Variants in CLIC5 observed in about 807,000 individuals in gnomAD.
CLIC5 encodes the protein chloride intracellular channel protein 5.
Under a neutral mutation model 24.7 loss-of-function variants are expected in CLIC5, and 20 were observed. That is an observed-to-expected ratio of 0.81 (90% CI 0.57 to 1.18). The LOEUF is 1.18. Among genes scored for constraint, CLIC5 ranks in the 50% most tolerant of loss-of-function variants. CLIC5 has a pLI of 0.00. For synonymous variants in CLIC5, 159 were observed against 135.6 expected, an observed-to-expected ratio of 1.17 and a Z score of -1.20; for missense variants, 341 against 326.1, an observed-to-expected ratio of 1.05 and a Z score of -0.35.
chr6:46,101,279 T>TGG, the CLIC5 span, among the ~76,000 whole-genome samples: 1 of 152,222 alleles, frequency 6.6e-6, no homozygotes, highest in Non-Finnish European at 1.5e-5. Context: ...TCTGATCACT[T>TGG]CATCATGTCC....
the CLIC5 span, among the ~76,000 whole-genome samples, chr6:46,092,223 C>G: frequency 2.0e-5 from 3 of 152,114 alleles, no homozygotes; most frequent in African/African-American, 7.2e-5. Context: ...GACCTGAATC[C>G]AAGAGTATTT....
intron 1 of CLIC5, among the ~76,000 whole-genome samples, chr6:45,993,010 G>A (rs1160643395): frequency 6.6e-6 from 1 of 152,162 alleles, no homozygotes; most frequent in Non-Finnish European, 1.5e-5. Flanking sequence ...AGCATTTTGA[G>A]ATATTTGAGG....
intron 1 of CLIC5, among the ~76,000 whole-genome samples, chr6:46,030,793 A>C (rs777723228): frequency 5.3e-5 from 8 of 152,170 alleles, no homozygotes; most frequent in Non-Finnish European, 1.0e-4. Flanking sequence ...CTTAAAACTC[A>C]TGCTCCCACA....
chr6:45,958,443 T>TACAC (rs1283521914), intron 1 of CLIC5, among the ~76,000 whole-genome samples: 24 of 55,630 alleles, frequency 4.3e-4, no homozygotes, highest in African/African-American at 1.4e-3. Flanking sequence ...TATATATATA[T>TACAC]ATATATATAT....
At chr6:45,893,959 G>A (rs1762373039), downstream of CLIC5, among the ~76,000 whole-genome samples, 1 of 152,196 alleles carries the variant, frequency 6.6e-6, no homozygotes, top group Non-Finnish European at 1.5e-5. Context: ...AGCAACAACT[G>A]CCACAAGAAC....
intron 1 of CLIC5, among the ~76,000 whole-genome samples, chr6:45,976,440 C>T (rs1765386524): frequency 1.3e-5 from 2 of 151,996 alleles, no homozygotes; most frequent in Non-Finnish European, 2.9e-5. Flanking sequence ...CTGGGAAGGT[C>T]CCTGGAAAAC....
chr6:46,081,535 G>T (rs1186043265), upstream of CLIC5, among the ~76,000 whole-genome samples: 1 of 152,116 alleles, frequency 6.6e-6, no homozygotes, highest in African/African-American at 2.4e-5. Flanking sequence ...AGGAAAAAGA[G>T]GTCAGAGACT....
Position 45,949,248 on chromosome 6 carries a change from A to T in CLIC5, c.299+8T>A. ...ATTCAACAGCCCCAGAAAGAAACAGATCCTTACTTTTCAGGGGTCAAGGTC... is the reference window on the plus strand; with the variant it reads ...ATTCAACAGCCCCAGAAAGAAACAGTTCCTTACTTTTCAGGGGTCAAGGTC... On this transcript the variant is annotated splice_region_variant and intron_variant, in intron 3 of 5. Coordinates refer to ENST00000339561, the MANE Select transcript of CLIC5 (RefSeq NM_016929.5). 1 of 1,612,272 alleles carries T rather than the reference A, an allele frequency of 6.2e-7. No individual in the cohort carries two copies. The highest frequency in any genetic ancestry group is 8.5e-7 in the Non-Finnish European group (1 of 1,178,952).
chr6:45,947,997 T>G (rs1764342474), intron 3 of CLIC5, among the ~76,000 whole-genome samples: 1 of 152,216 alleles, frequency 6.6e-6, no homozygotes, highest in Non-Finnish European at 1.5e-5. Flanking sequence ...GGAGCATGAC[T>G]GGCAGTTTTA....
In CLIC5 at chr6:45,914,432, C is replaced by A. The variant is rs760597144; in HGVS notation, c.407-23G>T. 3.2e-6 allele frequency: 5 copies of A among 1,539,486 alleles called. 1 individual carries two copies. Among genetic ancestry groups the A allele is most frequent in the Non-Finnish European group, 4.4e-6 (5 of 1,133,726 alleles). On this transcript the variant is annotated intron_variant, in intron 4 of 5. Coordinates refer to ENST00000339561, the MANE Select transcript of CLIC5 (RefSeq NM_016929.5). ...GAGCTGGCATGAAAGAGTAAAAGGG[C>A]CTTTATTCAAACTTCTTGCCAGTGG... is the stretch of plus-strand genomic sequence containing the variant.
intron 1 of CLIC5, among the ~76,000 whole-genome samples, chr6:45,988,980 G>A (rs537145806): frequency 6.6e-6 from 1 of 152,304 alleles, no homozygotes; most frequent in East Asian, 1.9e-4. Flanking sequence ...TCAGTACCTA[G>A]GGTCCAAGGC....
chr6:46,020,196 T>A (rs926288273), upstream of CLIC5, among the ~76,000 whole-genome samples: 1 of 152,170 alleles, frequency 6.6e-6, no homozygotes, highest in African/African-American at 2.4e-5. Context: ...ACAAACTTCA[T>A]TACGTTAAAA....
the CLIC5 span, among the ~76,000 whole-genome samples, chr6:46,117,974 C>G: frequency 6.6e-6 from 1 of 152,188 alleles, no homozygotes; most frequent in African/African-American, 2.4e-5. Context: ...TTCTCCAACT[C>G]TATTGACACA....
chr6:46,121,402 G>C, the CLIC5 span, among the ~76,000 whole-genome samples: 1 of 152,144 alleles, frequency 6.6e-6, no homozygotes, highest in Non-Finnish European at 1.5e-5. Flanking sequence ...GTCACCACCA[G>C]GCCTGCCCTA....
chr6:45,974,516 TATATATAGAGAG>T (rs1372981220), intron 1 of CLIC5, among the ~76,000 whole-genome samples: 43 of 89,944 alleles, frequency 4.8e-4, no homozygotes, highest in African/African-American at 6.5e-4. Flanking sequence ...TATATATATA[TATATATAGAGAG>T]AGAGAGAGAG....
intron 2 of CLIC5, among the ~76,000 whole-genome samples, chr6:45,951,335 A>G (rs1369019298): frequency 1.3e-5 from 2 of 152,224 alleles, no homozygotes; most frequent in African/African-American, 4.8e-5. Context: ...CGCAGTCCCA[A>G]TTGAATGAAT....
At chr6:46,086,422 T>C in the CLIC5 span, among the ~76,000 whole-genome samples, 1 of 152,174 alleles carries the variant, frequency 6.6e-6, no homozygotes, top group Non-Finnish European at 1.5e-5. Context: ...GATAGATAAG[T>C]GGACAATTAG....
chr6:45,942,015 G>A (rs996271706), intron 3 of CLIC5, among the ~76,000 whole-genome samples: 2 of 152,126 alleles, frequency 1.3e-5, no homozygotes, highest in Non-Finnish European at 2.9e-5. Context: ...ATCTGGTAGG[G>A]TTCTCAACAC....
At chr6:45,927,223 C>G (rs944195039) in intron 4 of CLIC5, among the ~76,000 whole-genome samples, 3 of 152,068 alleles carry the variant, frequency 2.0e-5, no homozygotes, top group Non-Finnish European at 2.9e-5. Context: ...AGATGCTGAG[C>G]TGGGGTCTGG....
Sources: gnomAD v4.1 joint callset for allele counts (sites outside exome capture counted in the v4.1 genomes callset) on GRCh38, gnomAD v4.1.1 for gene constraint, MANE v1.5 for transcripts, NCBI Gene and HGNC (gene_info 2026-07-23, HGNC 2026-07-21) for gene names.